The following ANKRD31 variants were observed in gnomAD, a reference collection of about 807,000 sequenced individuals.
ANKRD31 encodes ankyrin repeat domain 31.
In ANKRD31, 147 loss-of-function variants were observed where a neutral mutation model predicts 186.0. The ratio of observed to expected loss-of-function variants is 0.79; its 90% CI spans 0.69 to 0.91. The LOEUF (loss-of-function observed/expected upper bound fraction) is 0.91. Ranked by LOEUF, ANKRD31 falls within the 40% of genes least tolerant of loss-of-function variation. ANKRD31 has a pLI of 0.00. For synonymous variants in ANKRD31, 673 were observed against 736.4 expected (o/e 0.91, Z 1.39); for missense variants, 1,986 against 2,148.8 (o/e 0.92, Z 1.50).
chr5:75,123,968 G>A (rs6872475), intron 17 of ANKRD31, among the ~76,000 whole-genome samples: 77,187 of 151,820 alleles, frequency 0.51, 22,668 homozygotes, highest in African/African-American at 0.82. Context: ...ATGGCAAAGG[G>A]AATAATAAAA....
intron 17 of ANKRD31, among the ~76,000 whole-genome samples, chr5:75,129,942 C>T (rs1396923642): frequency 1.3e-5 from 2 of 152,206 alleles, no homozygotes; most frequent in Non-Finnish European, 2.9e-5. Flanking sequence ...TAATACTGAG[C>T]TTTTCCAGTG....
At chr5:75,076,110 G>A (rs1744624190) in intron 25 of ANKRD31, among the ~76,000 whole-genome samples, 1 of 152,130 alleles carries the variant, frequency 6.6e-6, no homozygotes, top group African/African-American at 2.4e-5. Context: ...GACACCAAAT[G>A]TGCGGACTTT....
chr5:75,199,788 C>T (rs1268752359), intron 5 of ANKRD31, 114 bp from the exon 6 acceptor site: 1 of 449,318 alleles, frequency 2.2e-6, no homozygotes, highest in Admixed American at 4.4e-5. Context: ...AGTGACACAT[C>T]ATATATTTTA....
At chr5:75,190,205 G>C (rs35880307) in intron 9 of ANKRD31, among the ~76,000 whole-genome samples, 1 of 151,902 alleles carries the variant, frequency 6.6e-6, no homozygotes, top group African/African-American at 2.4e-5. Context: ...ATTTTTCATA[G>C]AGACAGGGTT....
intron 17 of ANKRD31, among the ~76,000 whole-genome samples, chr5:75,119,102 T>A (rs1390080273): frequency 6.6e-6 from 1 of 152,096 alleles, no homozygotes; most frequent in Non-Finnish European, 1.5e-5. Flanking sequence ...TAAAAAAAAA[T>A]TCAACTTTTA....
intron 22 of ANKRD31, among the ~76,000 whole-genome samples, chr5:75,091,774 C>T (rs1410441524): frequency 1.3e-5 from 2 of 152,112 alleles, no homozygotes; most frequent in Admixed American, 6.6e-5. Context: ...CATTTCTCAT[C>T]CTGCCCCCAG....
intron 20 of ANKRD31, among the ~76,000 whole-genome samples, chr5:75,109,623 T>C (rs779384313): frequency 6.6e-6 from 1 of 152,182 alleles, no homozygotes; most frequent in Non-Finnish European, 1.5e-5. Flanking sequence ...GGCTTCCTTC[T>C]TGAACACCTA....
intron 17 of ANKRD31, among the ~76,000 whole-genome samples, chr5:75,132,696 C>A (rs1294729526): frequency 6.6e-6 from 1 of 152,102 alleles, no homozygotes; most frequent in Admixed American, 6.5e-5. Flanking sequence ...AGAAGAGCAA[C>A]TCCAAGACAC....
intron 11 of ANKRD31, among the ~76,000 whole-genome samples, 187 bp from the exon 12 acceptor site, chr5:75,154,532 A>C (rs1752036877): frequency 6.6e-6 from 1 of 152,124 alleles, no homozygotes; most frequent in African/African-American, 2.4e-5. Context: ...TTGTTGATAC[A>C]TGAGTTTCTT....
rs1026391278 is a variant in ANKRD31 at position 75,175,451 on chromosome 5, C to T, written c.1565-6330G>A. Among the ~76,000 whole-genome samples the T allele has an allele frequency of 9.2e-5, 14 of 151,920 alleles. No homozygotes were observed. In the South Asian group the frequency reaches 1.5e-3, roughly 16 times the overall value. ...ACCTATAGTTAAAATCATGTTTAAT[C>T]GTGAAATATGCTGAAATATTGAAAG... On this transcript the variant is annotated intron_variant, in intron 10 of 25. Transcript: ENST00000506364.
intron 24 of ANKRD31, among the ~76,000 whole-genome samples, chr5:75,083,726 C>T (rs1459970204): frequency 1.4e-5 from 2 of 146,444 alleles, no homozygotes; most frequent in Non-Finnish European, 3.0e-5. Flanking sequence ...GCAAAACTCT[C>T]GTCTCAAAAA....
chr5:75,162,251 C>T (rs902814160), intron 11 of ANKRD31, among the ~76,000 whole-genome samples: 5 of 152,214 alleles, frequency 3.3e-5, no homozygotes, highest in African/African-American at 4.8e-5. Context: ...AAACCCACCT[C>T]TAGTATCAGC....
Position 75,107,614 on chromosome 5 carries a change from T to C in ANKRD31, c.4247A>G (p.Gln1416Arg). 6.7e-7 allele frequency: 1 copy of C among 1,502,532 alleles called. No individual in the cohort carries two copies. Among genetic ancestry groups the C allele is most frequent in the Non-Finnish European group, 8.9e-7 (1 of 1,128,180 alleles). The allele number at this position is 1,502,532 out of a possible 1,614,324, so 93.1% of individuals were successfully genotyped here. ...FEIRNPEDAE[Q>R]YIEKMLKIKK... The stretch of plus-strand genomic sequence containing the variant: ...TATCTTTAACATCTTTTCAATGTAT[T>C]GTTCTAGAAACATGACAATAAAAAG... The change falls in exon 21 of 26, where the codon CAA (glutamine) becomes CGA (arginine). Residue 1416 changes from glutamine (Q) to arginine (R), a missense_variant. By Grantham distance (43) the Gln-to-Arg change is conservative. Transcript: ENST00000506364.
intron 3 of ANKRD31, among the ~76,000 whole-genome samples, chr5:75,217,607 G>C (rs763180038): frequency 6.6e-6 from 1 of 152,026 alleles, no homozygotes; most frequent in Non-Finnish European, 1.5e-5. Context: ...CTATTTGCTT[G>C]GTGGATTTTT....
At chr5:75,180,951 CA>C (rs1754237719) in intron 10 of ANKRD31, among the ~76,000 whole-genome samples, 1 of 151,168 alleles carries the variant, frequency 6.6e-6, no homozygotes. Context: ...AGGCAACCTA[CA>C]AAATGGGAGA....
At chr5:75,148,527 C>G in intron 13 of ANKRD31, 49 bp downstream of exon 13, 1 of 1,288,724 alleles carries the variant, frequency 7.8e-7, no homozygotes, top group Non-Finnish European at 1.0e-6. Context: ...TATGAAACAA[C>G]CAGAAGTTAC....
chr5:75,219,239 C>T (rs566999741), intron 3 of ANKRD31, among the ~76,000 whole-genome samples: 2 of 152,204 alleles, frequency 1.3e-5, no homozygotes, highest in African/African-American at 4.8e-5. Flanking sequence ...TCTAGAAAAC[C>T]CCATAGTCTC....
At chr5:75,194,777 A>G (rs1282340848) in intron 7 of ANKRD31, among the ~76,000 whole-genome samples, 1 of 152,126 alleles carries the variant, frequency 6.6e-6, no homozygotes, top group Non-Finnish European at 1.5e-5. Context: ...AAGGCATTAT[A>G]TATAATATAA....
chr5:75,124,264 T>C (rs1749027415), intron 17 of ANKRD31, among the ~76,000 whole-genome samples: 1 of 152,068 alleles, frequency 6.6e-6, no homozygotes, highest in African/African-American at 2.4e-5. Context: ...TGCCTATTAT[T>C]AAAAAGACAA....
Sources: allele counts gnomAD v4.1 joint callset (sites outside exome capture counted in the v4.1 genomes callset), GRCh38; gene constraint gnomAD v4.1.1; transcripts MANE v1.5; gene names NCBI Gene and HGNC (gene_info 2026-07-23, HGNC 2026-07-21).